AOPEP: variants seen among roughly 807,000 people sequenced by gnomAD.
AOPEP encodes aminopeptidase O.
Under a neutral mutation model 98.1 loss-of-function variants are expected in AOPEP, and 77 were observed. The ratio of observed to expected loss-of-function variants is 0.78; its 90% CI spans 0.65 to 0.95. The LOEUF is 0.95. Among genes scored for constraint, AOPEP ranks in the 40% least tolerant of loss-of-function variants. The pLI, the probability that AOPEP is intolerant of heterozygous loss-of-function variation, is 0.00. For missense variants in AOPEP, 1,024 were observed against 1,024.7 expected, an observed-to-expected ratio of 1.00 and a Z score of 0.01; for synonymous variants, 346 against 365.3, an observed-to-expected ratio of 0.95 and a Z score of 0.60.
At chr9:95,150,067 G>A in the AOPEP span, 59 of 1,613,926 alleles carry the variant, frequency 3.7e-5, no homozygotes, top group South Asian at 8.8e-5. Flanking sequence ...TGACAGGGAC[G>A]CCACTCGCTC....
rs570180457 is a variant in AOPEP, at chr9:94,995,766, A to G, written c.1978-9392A>G. ...TCTAACATACCTAATATAAATCTGA[A>G]TATAAATTAACTGGGTGGTAGGTTC... On this transcript the variant is annotated intron_variant, in intron 11 of 16. Transcript: ENST00000375315. 4.6e-5 allele frequency among the ~76,000 whole-genome samples: 7 copies of G among 152,346 alleles called. No homozygotes were observed. In the South Asian group the frequency reaches 1.4e-3, roughly 32 times the overall value.
chr9:94,928,784 T>C, intron 7 of AOPEP: 1 of 429,420 alleles, frequency 2.3e-6, no homozygotes, highest in East Asian at 5.0e-5. Context: ...GATCCTTCGT[T>C]TGAAGTTCTA....
chr9:94,760,443 T>G lies in AOPEP; in HGVS notation c.660T>G (p.Phe220Leu). 6.2e-7 allele frequency: 1 copy of G among 1,613,850 alleles called. No homozygotes were observed. Among genetic ancestry groups the G allele is most frequent in the Non-Finnish European group, 8.5e-7 (1 of 1,179,882 alleles). Residue 220 changes from phenylalanine to leucine, a missense_variant, in exon 2 of 17, where the codon TTT becomes TTG. Around this residue, in one of 3 missense-constraint regions of AOPEP, gnomAD observed 440 missense variants for 433.8 expected, o/e 1.01. Transcript: ENST00000375315. ...CTCCTGGCTGTGGGGAACTCCTCTT[T>G]GACACTGACACTTGGAGCTTGCAGA... ...SQAPGCGELL[F>L]DTDTWSLQIR...
chr9:94,967,267 C>T (rs2059260528), intron 9 of AOPEP, among the ~76,000 whole-genome samples: 1 of 152,128 alleles, frequency 6.6e-6, no homozygotes, highest in Admixed American at 6.5e-5. Context: ...GGCTTGTGAG[C>T]CATGCTTGGA....
At chr9:94,932,876 T>C (rs1475608190) in intron 7 of AOPEP, 1 of 985,432 alleles carries the variant, frequency 1.0e-6, no homozygotes, top group South Asian at 4.7e-5. Context: ...ACAGGTTTCT[T>C]GTATTTTCCT....
intron 16 of AOPEP, chr9:95,085,373 TG>T: frequency 2.0e-6 from 1 of 496,712 alleles, no homozygotes; most frequent in Non-Finnish European, 4.2e-6. Context: ...AGCTCTTCTT[TG>T]GAAACAAAAG....
At chr9:94,955,144 A>T in intron 7 of AOPEP, 33 bp from the exon 8 acceptor site, 2 of 1,250,536 alleles carry the variant, frequency 1.6e-6, no homozygotes, top group Non-Finnish European at 2.3e-6. Context: ...AGAATGTGCT[A>T]TACTTAAATA....
intron 5 of AOPEP, among the ~76,000 whole-genome samples, chr9:94,817,450 G>C (rs944772765): frequency 6.6e-6 from 1 of 152,182 alleles, no homozygotes; most frequent in East Asian, 1.9e-4. Flanking sequence ...GCTTACAATT[G>C]GCCAGCTCCA....
intron 1 of AOPEP, among the ~76,000 whole-genome samples, chr9:94,733,141 C>G (rs1435575671): frequency 1.5e-5 from 2 of 137,732 alleles, no homozygotes; most frequent in Admixed American, 8.0e-5. Context: ...GTGTCTCACT[C>G]TGTTGCCCAG....
intron 2 of AOPEP, among the ~76,000 whole-genome samples, chr9:94,771,714 A>C (rs1588134875): frequency 6.6e-6 from 1 of 151,460 alleles, no homozygotes; most frequent in South Asian, 2.1e-4. Flanking sequence ...AGTGTGGTTG[A>C]GTCTCCTGTG....
At chr9:95,026,490 G>T (rs1286132010) in intron 13 of AOPEP, among the ~76,000 whole-genome samples, 2 of 152,166 alleles carry the variant, frequency 1.3e-5, no homozygotes, top group Admixed American at 1.3e-4. Flanking sequence ...TTAGCATAAC[G>T]TATTGAGGTG....
chr9:95,011,835 A>G (rs1172673155), intron 13 of AOPEP, among the ~76,000 whole-genome samples: 3 of 152,148 alleles, frequency 2.0e-5, no homozygotes, highest in African/African-American at 4.8e-5. Flanking sequence ...AAAAAAATCT[A>G]TAGTTTAAAA....
At chr9:94,853,337 G>A (rs968244177) in intron 5 of AOPEP, among the ~76,000 whole-genome samples, 2 of 152,086 alleles carry the variant, frequency 1.3e-5, no homozygotes, top group Non-Finnish European at 2.9e-5. Flanking sequence ...GTGTGTGCCT[G>A]TAGTCCCAAC....
intron 7 of AOPEP, among the ~76,000 whole-genome samples, chr9:94,929,491 A>G (rs571706183): frequency 2.0e-4 from 30 of 152,360 alleles, no homozygotes; most frequent in African/African-American, 7.0e-4. Flanking sequence ...GGCAAGCTGC[A>G]CCCTTCCCAC....
intron 13 of AOPEP, among the ~76,000 whole-genome samples, chr9:95,026,052 C>A (rs1329363168): frequency 6.6e-6 from 1 of 152,168 alleles, no homozygotes; most frequent in Non-Finnish European, 1.5e-5. Flanking sequence ...AATTGAATAG[C>A]AAAATTCTGC....
In AOPEP at chr9:95,005,608, T is replaced by G. The variant is rs1201234197; in HGVS notation, c.2107T>G (p.Phe703Val). ...GAAGCGCAGGGAGAAGGAAGAGGTG[T>G]TTGAAAAGGTAGGGGTTCCCGAGAC... ...KRKRREKEEV[F>V]EKLLPDQLVL... The change falls in exon 13 of 17, where the codon TTT (phenylalanine) becomes GTT (valine). Residue 703 changes from phenylalanine (F) to valine (V), a missense_variant. Physicochemically the swap from Phe to Val is conservative, Grantham distance 50. Transcript: ENST00000375315. The G allele has an allele frequency of 1.2e-6, 2 of 1,613,838 alleles. No homozygotes were observed. Among genetic ancestry groups the G allele is most frequent in the Admixed American group, 1.7e-5 (1 of 60,018 alleles).
At chr9:94,859,082 A>C (rs1438264489) in intron 5 of AOPEP, among the ~76,000 whole-genome samples, 2 of 151,056 alleles carry the variant, frequency 1.3e-5, no homozygotes, top group Non-Finnish European at 2.9e-5. Flanking sequence ...GTGCCACTGC[A>C]CTTCAGCCTG....
intron 7 of AOPEP, among the ~76,000 whole-genome samples, chr9:94,929,062 A>T (rs1179266037): frequency 6.6e-6 from 1 of 151,974 alleles, no homozygotes; most frequent in African/African-American, 2.4e-5. Flanking sequence ...CATGTGCAGG[A>T]TTATTTCATG....
At chr9:95,103,389 C>T in the AOPEP span, among the ~76,000 whole-genome samples, 4 of 152,188 alleles carry the variant, frequency 2.6e-5, no homozygotes, top group African/African-American at 7.2e-5. Flanking sequence ...TTGAGTTCAA[C>T]GACTACAGAA....
Sources: gnomAD v4.1 joint callset for allele counts (sites outside exome capture counted in the v4.1 genomes callset) on GRCh38, gnomAD v4.1.1 for gene constraint, gnomAD v4.1.1 regional missense constraint, MANE v1.5 for transcripts, NCBI Gene and HGNC (gene_info 2026-07-23, HGNC 2026-07-21) for gene names.